DACH1: variants seen among roughly 807,000 people sequenced by gnomAD.
DACH1 encodes dachshund family transcription factor 1.
In DACH1, 12 loss-of-function variants were observed where a neutral mutation model predicts 54.2. That is an observed-to-expected ratio of 0.22 (90% CI 0.14 to 0.36). The LOEUF (loss-of-function observed/expected upper bound fraction) is 0.36. Among genes scored for constraint, DACH1 ranks in the 10% least tolerant of loss-of-function variants. The pLI, the probability that DACH1 is intolerant of heterozygous loss-of-function variation, is 1.00. For synonymous variants in DACH1, 386 were observed against 366.2 expected, an observed-to-expected ratio of 1.05 and a Z score of -0.62; for missense variants, 805 against 929.8, an observed-to-expected ratio of 0.87 and a Z score of 1.75.
chr13:71,637,119 G>C (rs1877546380), intron 2 of DACH1, among the ~76,000 whole-genome samples: 1 of 152,012 alleles, frequency 6.6e-6, no homozygotes, highest in Non-Finnish European at 1.5e-5. Flanking sequence ...TGGGGGGAGA[G>C]AGACACCCCA....
chr13:71,473,345 G>C (rs1221856573), intron 10 of DACH1, among the ~76,000 whole-genome samples: 2 of 152,118 alleles, frequency 1.3e-5, no homozygotes, highest in Non-Finnish European at 2.9e-5. Context: ...TAAGTTGTTG[G>C]TGCATAGGTT....
chr13:71,606,821 G>C (rs1036986593), intron 3 of DACH1, among the ~76,000 whole-genome samples: 5 of 152,028 alleles, frequency 3.3e-5, no homozygotes, highest in African/African-American at 1.2e-4. Context: ...TTATTCTCTA[G>C]TGAAAGGTAG....
intron 1 of DACH1, among the ~76,000 whole-genome samples, chr13:71,706,702 A>AT (rs1183470337): frequency 2.6e-5 from 4 of 152,054 alleles, no homozygotes; most frequent in African/African-American, 4.8e-5. Context: ...TTCTATATCT[A>AT]TTTTTTTCAG....
At chr13:71,636,977 C>A (rs765659743) in intron 2 of DACH1, among the ~76,000 whole-genome samples, 32 of 152,056 alleles carry the variant, frequency 2.1e-4, no homozygotes, top group Non-Finnish European at 2.6e-4. Context: ...TAGTCAATTT[C>A]TTTTACTTTT....
At chr13:71,462,917 T>C (rs9285275) in intron 10 of DACH1, among the ~76,000 whole-genome samples, 1,022 of 11,394 alleles carry the variant, frequency 0.09, 20 homozygotes, top group Admixed American at 0.12. Context: ...CACACACACA[T>C]AAACCATGAA....
At chr13:71,566,172 C>T (rs1884883982) in intron 4 of DACH1, among the ~76,000 whole-genome samples, 1 of 152,154 alleles carries the variant, frequency 6.6e-6, no homozygotes, top group Non-Finnish European at 1.5e-5. Context: ...TACAGGCCAC[C>T]ACCACCACTA....
At chr13:71,777,962 C>T (rs1406545779) in intron 1 of DACH1, among the ~76,000 whole-genome samples, 1 of 151,800 alleles carries the variant, frequency 6.6e-6, no homozygotes, top group African/African-American at 2.4e-5. Flanking sequence ...ACAAAAAATA[C>T]ACAAATTAGC....
chr13:71,648,264 T>C (rs1253711988), intron 2 of DACH1, among the ~76,000 whole-genome samples: 1 of 152,144 alleles, frequency 6.6e-6, no homozygotes, highest in Non-Finnish European at 1.5e-5. Flanking sequence ...AACAGTGGGG[T>C]GGTTAAAATT....
At chr13:71,509,067 T>C (rs1194237276) in intron 6 of DACH1, among the ~76,000 whole-genome samples, 1 of 152,188 alleles carries the variant, frequency 6.6e-6, no homozygotes, top group African/African-American at 2.4e-5. Context: ...AAATGTACTA[T>C]TAGTATATTT....
At chr13:71,587,868 A>C (rs758457719) in intron 3 of DACH1, among the ~76,000 whole-genome samples, 8 of 152,138 alleles carry the variant, frequency 5.3e-5, no homozygotes, top group Non-Finnish European at 7.4e-5. Context: ...AAAACATAAT[A>C]AACTCTCAGA....
intron 1 of DACH1, among the ~76,000 whole-genome samples, chr13:71,684,714 C>T (rs1010787257): frequency 6.6e-6 from 1 of 152,068 alleles, no homozygotes; most frequent in Admixed American, 6.6e-5. Flanking sequence ...ACAGAAATTG[C>T]ACAAAATATA....
chr13:71,616,109 C>T (rs1875743490), intron 3 of DACH1, among the ~76,000 whole-genome samples: 1 of 152,078 alleles, frequency 6.6e-6, no homozygotes, highest in Non-Finnish European at 1.5e-5. Flanking sequence ...CCACATGGCA[C>T]CAGATTTTGT....
chr13:71,686,647 T>G (rs951163017), intron 1 of DACH1, among the ~76,000 whole-genome samples: 1 of 152,226 alleles, frequency 6.6e-6, no homozygotes, highest in Non-Finnish European at 1.5e-5. Flanking sequence ...GGACATCATC[T>G]TTTGTTAATC....
chr13:71,653,915 G>T (rs1878861271), intron 2 of DACH1, among the ~76,000 whole-genome samples: 1 of 150,122 alleles, frequency 6.7e-6, no homozygotes, highest in South Asian at 2.1e-4. Flanking sequence ...GTTCTCATCA[G>T]AAAAAAAAAG....
At chr13:71,670,179 C>T (rs865958398) in intron 2 of DACH1, among the ~76,000 whole-genome samples, 79 of 152,144 alleles carry the variant, frequency 5.2e-4, no homozygotes, top group African/African-American at 1.8e-3. Flanking sequence ...AAAAAGCTCT[C>T]CCATTAATTA....
At chr13:71,827,415 CA>C (rs1286775616) in intron 1 of DACH1, among the ~76,000 whole-genome samples, 2 of 151,984 alleles carry the variant, frequency 1.3e-5, no homozygotes, top group Admixed American at 1.3e-4. Flanking sequence ...GCCAAGATGG[CA>C]AAAAACAAAA....
chr13:71,552,838 TATATAGAGAGAG>T (rs1566335722), intron 6 of DACH1, among the ~76,000 whole-genome samples: 3 of 21,618 alleles, frequency 1.4e-4, no homozygotes, highest in African/African-American at 4.0e-4. Context: ...TATATATATA[TATATAGAGAGAG>T]AGAGAGAGAG....
At chr13:71,863,617 G>A (rs1874497932) in intron 1 of DACH1, among the ~76,000 whole-genome samples, 1 of 152,016 alleles carries the variant, frequency 6.6e-6, no homozygotes, top group South Asian at 2.1e-4. Flanking sequence ...ACCTCAGGGG[G>A]AAAAAACTTG....
At chr13:71,797,156 A>G (rs1267587210) in intron 1 of DACH1, among the ~76,000 whole-genome samples, 1 of 152,072 alleles carries the variant, frequency 6.6e-6, no homozygotes, top group African/African-American at 2.4e-5. Context: ...TGCATATTGT[A>G]ATTTTTGAAC....
Sources: allele counts gnomAD v4.1 joint callset (sites outside exome capture counted in the v4.1 genomes callset), GRCh38; gene constraint gnomAD v4.1.1; transcripts MANE v1.5; gene names NCBI Gene and HGNC (gene_info 2026-07-23, HGNC 2026-07-21).